The following TG variants were observed in gnomAD, a reference collection of about 807,000 sequenced individuals.
TG encodes the protein thyroglobulin, also known as thyroid hormones.
In TG, 270 loss-of-function variants were observed where a neutral mutation model predicts 324.7. The observed-to-expected ratio is 0.83, with a 90% CI of 0.75 to 0.92. TG has a LOEUF of 0.92. TG is among the 40% of genes least tolerant of loss of function. The pLI is 0.00. For missense variants in TG, 3,591 were observed against 3,456.4 expected (o/e 1.04, Z -0.98); for synonymous variants, 1,401 against 1,327.0 (o/e 1.06, Z -1.21).
At chr8:133,073,897 C>T (rs1844460926) in intron 41 of TG, among the ~76,000 whole-genome samples, 1 of 152,120 alleles carries the variant, frequency 6.6e-6, no homozygotes. Context: ...ATAACAATCA[C>T]AATCCTATAG....
At chr8:132,959,795 A>G (rs1394085223) in intron 27 of TG, among the ~76,000 whole-genome samples, 3 of 152,176 alleles carry the variant, frequency 2.0e-5, no homozygotes, top group African/African-American at 7.2e-5. Context: ...TAAATTGGGT[A>G]ATATAAGGAA....
intron 27 of TG, among the ~76,000 whole-genome samples, chr8:132,959,318 C>T (rs2178969): frequency 0.75 from 114,492 of 151,696 alleles, 43,557 homozygotes; most frequent in African/African-American, 0.84. Context: ...CAAAAAGACA[C>T]TTTGACCAAT....
chr8:132,953,982 A>T (rs1234550224), intron 27 of TG, among the ~76,000 whole-genome samples: 1 of 145,560 alleles, frequency 6.9e-6, no homozygotes, highest in Non-Finnish European at 1.5e-5. Flanking sequence ...TGCCACACAG[A>T]TGTAAAATTT....
chr8:132,919,364 GT>G lies in TG; in HGVS notation c.4379-5del. On this transcript the variant is annotated splice_polypyrimidine_tract_variant and intron_variant, in intron 20 of 47. Transcript: ENST00000220616. ...TCTTGATTTTTAACATCATTTCTCT[GT>G]TTTTTTCTAGTTAAGTGTCCTGAAG... 1 of 1,613,296 alleles carries G rather than the reference GT, an allele frequency of 6.2e-7. No individual in the cohort carries two copies. Among genetic ancestry groups the G allele is most frequent in the East Asian group, 2.2e-5 (1 of 44,866 alleles).
chr8:132,947,613 G>A (rs1175896872), intron 26 of TG, among the ~76,000 whole-genome samples: 2 of 139,892 alleles, frequency 1.4e-5, no homozygotes, highest in African/African-American at 5.4e-5. Context: ...GAATGGAGTA[G>A]GAGTTGTGGG....
At chr8:132,933,485 G>C in intron 23 of TG, 76 bp from the exon 24 acceptor site, 1 of 1,144,010 alleles carries the variant, frequency 8.7e-7, no homozygotes, top group Non-Finnish European at 1.3e-6. Flanking sequence ...TGGGGCAGGG[G>C]CAGGGGGATG....
intron 41 of TG, among the ~76,000 whole-genome samples, chr8:133,083,056 C>G (rs1254219858): frequency 6.6e-6 from 1 of 152,160 alleles, no homozygotes; most frequent in African/African-American, 2.4e-5. Context: ...GTAGGCAGGC[C>G]TAGTTGCTAT....
rs756173655 is a variant in TG at position 132,967,781 on chromosome 8, C to G, written c.5687-13C>G. The G allele has an allele frequency of 2.1e-5, 34 of 1,613,318 alleles. No individual in the cohort carries two copies. Among genetic ancestry groups the G allele is most frequent in the African/African-American group, 2.7e-5 (2 of 74,878 alleles). The stretch of plus-strand genomic sequence containing the variant: ...CCACAAAAACTAAAATCACACTACT[C>G]TCTTGCCTGTAGGTTGTGTGCAGGA... On this transcript the variant is annotated splice_polypyrimidine_tract_variant and intron_variant, in intron 30 of 47. Transcript: ENST00000220616.
At chr8:132,949,191 T>G (rs1034472452) in intron 27 of TG, among the ~76,000 whole-genome samples, 1 of 152,254 alleles carries the variant, frequency 6.6e-6, no homozygotes, top group East Asian at 1.9e-4. Context: ...AGGGCAAGTC[T>G]GCTGCTCTCA....
chr8:132,886,268 C>T (rs1285454707), intron 8 of TG, among the ~76,000 whole-genome samples, 180 bp from the exon 9 acceptor site: 1 of 152,068 alleles, frequency 6.6e-6, no homozygotes, highest in Non-Finnish European at 1.5e-5. Context: ...CAAAATGGCC[C>T]CACAAAGGCA....
chr8:133,005,917 C>G (rs1833979388), intron 35 of TG, among the ~76,000 whole-genome samples: 1 of 152,162 alleles, frequency 6.6e-6, no homozygotes, highest in Non-Finnish European at 1.5e-5. Context: ...GCCAACCTGT[C>G]CGGCTTTCCT....
intron 5 of TG, 74 bp from the exon 6 acceptor site, chr8:132,881,789 C>CA (rs1158093194): frequency 9.4e-7 from 1 of 1,060,138 alleles, no homozygotes; most frequent in Non-Finnish European, 1.5e-6. Context: ...GACTTGGCCA[C>CA]ATTTATTTCT....
chr8:133,098,695 C>T (rs1040819536), intron 43 of TG, among the ~76,000 whole-genome samples: 1 of 152,144 alleles, frequency 6.6e-6, no homozygotes, highest in African/African-American at 2.4e-5. Flanking sequence ...GGGAGGAGGG[C>T]GGCCCTGTGG....
chr8:132,944,389 G>C (rs184353515), intron 26 of TG, among the ~76,000 whole-genome samples: 1 of 152,120 alleles, frequency 6.6e-6, no homozygotes, highest in Non-Finnish European at 1.5e-5. Flanking sequence ...GGCTCTCCTT[G>C]TGATTTCCTC....
intron 41 of TG, among the ~76,000 whole-genome samples, chr8:133,060,861 G>A (rs1050971732): frequency 5.3e-5 from 8 of 152,176 alleles, no homozygotes; most frequent in Non-Finnish European, 1.0e-4. Flanking sequence ...ACTTGTATGA[G>A]GTCACATGGC....
chr8:132,971,176 A>C (rs1474762394), intron 32 of TG, among the ~76,000 whole-genome samples: 2 of 152,182 alleles, frequency 1.3e-5, no homozygotes, highest in Admixed American at 6.5e-5. Context: ...CTAGAAGCTG[A>C]GGGTGGGGCT....
chr8:133,044,867 T>G, intron 41 of TG: 1 of 977,568 alleles, frequency 1.0e-6, no homozygotes, highest in Non-Finnish European at 1.6e-6. Flanking sequence ...GAGCATATCA[T>G]GAAGGCAGCA....
chr8:133,130,977 A>G (rs752563547), intron 45 of TG, among the ~76,000 whole-genome samples: 1 of 152,348 alleles, frequency 6.6e-6, no homozygotes, highest in Non-Finnish European at 1.5e-5. Flanking sequence ...CTCTGTCGCC[A>G]CCGCAGAGGG....
At chr8:132,893,567 GGT>G (rs1009170339) in intron 10 of TG, 121 bp from the exon 11 acceptor site, 1,122 of 1,301,696 alleles carry the variant, frequency 8.6e-4, no homozygotes, top group Non-Finnish European at 1.0e-3. Context: ...GTATGTGTGT[GGT>G]GTGTGTGTGT....
Sources: gnomAD v4.1 joint callset for allele counts (sites outside exome capture counted in the v4.1 genomes callset) on GRCh38, gnomAD v4.1.1 for gene constraint, MANE v1.5 for transcripts, NCBI Gene and HGNC (gene_info 2026-07-23, HGNC 2026-07-21) for gene names.